GCNT2: variants seen among roughly 807,000 people sequenced by gnomAD.
The protein encoded by GCNT2 is glucosaminyl (N-acetyl) transferase 2 (I blood group).
GCNT2 carries 34 observed loss-of-function variants against 34.2 expected under a neutral mutation model. The ratio of observed to expected loss-of-function variants is 1.00; its 90% CI spans 0.76 to 1.32. The LOEUF (loss-of-function observed/expected upper bound fraction) is 1.32, where lower values mean the gene tolerates loss of function less well. GCNT2 is among the 40% of genes most tolerant of loss of function. The probability of loss-of-function intolerance (pLI) is 0.00; values close to 1 mark genes in which losing one functional copy is unlikely to be tolerated. For missense variants in GCNT2, 584 were observed against 489.4 expected, an observed-to-expected ratio of 1.19 and a Z score of -1.82; for synonymous variants, 212 against 188.0, an observed-to-expected ratio of 1.13 and a Z score of -1.04.
chr6:10,524,208 A>G (rs887894049), intron 1 of GCNT2, among the ~76,000 whole-genome samples: 5 of 151,168 alleles, frequency 3.3e-5, no homozygotes, highest in African/African-American at 9.7e-5. Flanking sequence ...GCCTGTTAAG[A>G]GTGGCCTTGG....
chr6:10,588,917 T>G (rs916521982), intron 3 of GCNT2, among the ~76,000 whole-genome samples: 1 of 125,480 alleles, frequency 8.0e-6, no homozygotes, highest in Non-Finnish European at 1.7e-5. Context: ...GTGTGTGTAG[T>G]GTGTGGTGTG....
rs138731350 is a variant in GCNT2, at chr6:10,578,066, T to C, written c.926-43285T>C. ...TCAAGAAATATCTGTTGGGTACCTC[T>C]GCTCTGCACTGCTATTTTCAGTGGT... is the stretch of plus-strand genomic sequence containing the variant. On this transcript the variant is annotated intron_variant, in intron 3 of 4. Transcript: ENST00000495262. Among the ~76,000 whole-genome samples the C allele has an allele frequency of 4.7e-4, 71 of 152,280 alleles. 1 individual carries two copies. The East Asian group carries it at 0.011, about 24-fold the overall frequency.
chr6:10,576,371 C>T (rs1763811843), intron 3 of GCNT2, among the ~76,000 whole-genome samples: 1 of 152,170 alleles, frequency 6.6e-6, no homozygotes, highest in African/African-American at 2.4e-5. Context: ...TAAATACCTA[C>T]TACACAGCCC....
chr6:10,575,060 A>G, intron 3 of GCNT2: 1 of 595,462 alleles, frequency 1.7e-6, no homozygotes, highest in South Asian at 1.6e-5. Flanking sequence ...TAGCCATGGT[A>G]ACACTTGGGG....
chr6:10,571,249 C>T (rs1234978452), intron 3 of GCNT2, among the ~76,000 whole-genome samples: 1 of 152,052 alleles, frequency 6.6e-6, no homozygotes, highest in African/African-American at 2.4e-5. Flanking sequence ...CCACCCCATA[C>T]GGAAAGAAGA....
At chr6:10,555,966 C>G in intron 3 of GCNT2, 1 of 1,032,748 alleles carries the variant, frequency 9.7e-7, no homozygotes, top group Non-Finnish European at 1.2e-6. Flanking sequence ...TAGCAGGAAG[C>G]GGCACGCCTG....
intron 4 of GCNT2, among the ~76,000 whole-genome samples, chr6:10,623,209 T>C (rs1456656345): frequency 6.8e-6 from 1 of 147,964 alleles, no homozygotes; most frequent in Non-Finnish European, 1.5e-5. Flanking sequence ...TGTAAAGAAA[T>C]TTTGGTCCAT....
At chr6:10,582,661 G>A (rs1049938091) in intron 3 of GCNT2, among the ~76,000 whole-genome samples, 6 of 146,542 alleles carry the variant, frequency 4.1e-5, no homozygotes, top group African/African-American at 1.5e-4. Context: ...CAGTGATGGG[G>A]AAGAAAAGAG....
intron 3 of GCNT2, among the ~76,000 whole-genome samples, chr6:10,561,322 C>G: frequency 6.6e-6 from 1 of 152,176 alleles, no homozygotes; most frequent in East Asian, 1.9e-4. Flanking sequence ...GCCACCATGC[C>G]TGGCTAATTT....
chr6:10,543,637 T>G (rs780381243), intron 3 of GCNT2, among the ~76,000 whole-genome samples: 1 of 152,242 alleles, frequency 6.6e-6, no homozygotes, highest in Non-Finnish European at 1.5e-5. Flanking sequence ...AGTTTAGCCC[T>G]TCTAGTGAGT....
chr6:10,617,750 C>CTTTTTTTTTTTTTTTT lies in GCNT2; in HGVS notation c.926-3594_926-3579dup, dbSNP rs3064178. Among the ~76,000 whole-genome samples, 130 of 101,650 alleles carry CTTTTTTTTTTTTTTTT rather than the reference C, an allele frequency of 1.3e-3. 16 individuals are homozygous for CTTTTTTTTTTTTTTTT. The highest frequency in any genetic ancestry group is 6.2e-3 in the African/African-American group (124 of 19,862). 66.7% of individuals were successfully genotyped at this position (101,650 alleles called of 152,430 possible). Reference sequence around the variant, plus strand: ...CACCTGGCCAGAGTCTGCATTTCTTCTTTTTTTTTTTTTTTTTTTTTTGAC... The same window carrying CTTTTTTTTTTTTTTTT: ...CACCTGGCCAGAGTCTGCATTTCTTCTTTTTTTTTTTTTTTTTTTTTTTTTTTTTTTTTTTTTTGAC... On this transcript the variant is annotated intron_variant, in intron 3 of 4. Coordinates refer to ENST00000495262, the MANE Select transcript of GCNT2 (RefSeq NM_145649.5).
At chr6:10,569,275 C>CACACACACACACACACACACACACACA (rs1491437125) in intron 3 of GCNT2, among the ~76,000 whole-genome samples, 2,011 of 101,030 alleles carry the variant, frequency 0.02, 256 homozygotes, top group East Asian at 0.03. Context: ...ACACACACAC[C>CACACACACACACACACACACACACACA]CCCTAGGTAA....
chr6:10,586,661 T>C, intron 3 of GCNT2: 1 of 1,614,200 alleles, frequency 6.2e-7, no homozygotes, highest in South Asian at 1.1e-5. Context: ...CTCCTGACCA[T>C]GCAATTAAGC....
chr6:10,613,924 A>G (rs1458702794), intron 3 of GCNT2, among the ~76,000 whole-genome samples: 1 of 152,204 alleles, frequency 6.6e-6, no homozygotes, highest in Admixed American at 6.5e-5. Flanking sequence ...CTACTCCATC[A>G]GGGTGCTCAG....
Position 10,607,434 on chromosome 6 carries a change from C to T in GCNT2, c.926-13917C>T, listed in dbSNP as rs76699110. Among the ~76,000 whole-genome samples the T allele has an allele frequency of 4.3e-3, 659 of 152,234 alleles. 6 individuals are homozygous for T. The highest frequency in any genetic ancestry group is 0.015 in the African/African-American group (623 of 41,532). On this transcript the variant is annotated intron_variant, in intron 3 of 4. Transcript: ENST00000495262. ...TCACGAGAATTCTATCACGAGACAG[C>T]GCTAGGAGGACGGTGCTAAACCACT...
At chr6:10,558,737 G>A (rs1351138413) in intron 3 of GCNT2, among the ~76,000 whole-genome samples, 2 of 152,238 alleles carry the variant, frequency 1.3e-5, no homozygotes, top group Admixed American at 6.5e-5. Flanking sequence ...CGATAAACAC[G>A]CCGGCATTCT....
At chr6:10,561,714 CTT>C (rs904584716) in intron 3 of GCNT2, among the ~76,000 whole-genome samples, 4 of 152,162 alleles carry the variant, frequency 2.6e-5, no homozygotes, top group Non-Finnish European at 4.4e-5. Flanking sequence ...CTTTTGGAGT[CTT>C]TGCTCATTCA....
rs148549776 is a variant in GCNT2, at chr6:10,578,345, C to G, written c.926-43006C>G. On this transcript the variant is annotated intron_variant, in intron 3 of 4. Coordinates refer to ENST00000495262, the MANE Select transcript of GCNT2 (RefSeq NM_145649.5). ...GCAGTGAGCCGAGATTGAGCCACTGCACTCCAGCCCCTGGGCAACAGAGTG... is the reference window on the plus strand; with the variant it reads ...GCAGTGAGCCGAGATTGAGCCACTGGACTCCAGCCCCTGGGCAACAGAGTG... Among the ~76,000 whole-genome samples the G allele has an allele frequency of 2.0e-3, 295 of 148,486 alleles. 2 individuals carry two copies. In the East Asian group the frequency reaches 0.049, roughly 24 times the overall value.
chr6:10,569,220 C>T (rs890669207), intron 3 of GCNT2, among the ~76,000 whole-genome samples: 16 of 149,780 alleles, frequency 1.1e-4, no homozygotes, highest in Admixed American at 1.3e-4. Flanking sequence ...CACCCCCTGC[C>T]ACCCACTCCC....
Sources: gnomAD v4.1 joint callset for allele counts (sites outside exome capture counted in the v4.1 genomes callset) on GRCh38, gnomAD v4.1.1 for gene constraint, MANE v1.5 for transcripts, NCBI Gene and HGNC (gene_info 2026-07-23, HGNC 2026-07-21) for gene names.